SLC6A12: variants seen among roughly 807,000 people sequenced by gnomAD.
SLC6A12 encodes the protein sodium- and chloride-dependent betaine transporter.
Under a neutral mutation model 73.3 loss-of-function variants are expected in SLC6A12, and 50 were observed. The observed-to-expected ratio is 0.68, with a 90% CI of 0.54 to 0.86. The LOEUF (loss-of-function observed/expected upper bound fraction) is 0.86. Among genes scored for constraint, SLC6A12 ranks in the 40% least tolerant of loss-of-function variants. The pLI is 0.00. For synonymous variants in SLC6A12, 304 were observed against 309.2 expected, an observed-to-expected ratio of 0.98 and a Z score of 0.18; for missense variants, 648 against 772.8, an observed-to-expected ratio of 0.84 and a Z score of 1.92.
downstream of SLC6A12, among the ~76,000 whole-genome samples, chr12:185,294 A>G (rs1939411215): frequency 6.6e-6 from 1 of 152,220 alleles, no homozygotes; most frequent in Admixed American, 6.5e-5. Flanking sequence ...CCTCTCCATG[A>G]CAAACCCAAA....
Position 191,103 on chromosome 12 carries a change from CT to C in SLC6A12, c.1809del (p.Gly604AspfsTer2). 7.4e-7 allele frequency: 1 copy of C among 1,353,698 alleles called. No individual in the cohort carries two copies. The highest frequency in any genetic ancestry group is 9.6e-7 in the Non-Finnish European group (1 of 1,040,126). The allele number at this position is 1,353,698 out of a possible 1,614,324, so 83.9% of individuals were successfully genotyped here. ...GRNFGPSPTREGLIAGEKETH... is the reference protein window; with the variant it reads ...GRNFGPSPTRXGLIAGEKETH... ...GTCTCCTTCTCCCCGGCTATCAGTC[CT>C]TCCCTTGTTGGGGAGGGCCCAAAGT... On this transcript the variant is annotated frameshift_variant, in exon 16 of 16. Coordinates refer to ENST00000684302, the MANE Select transcript of SLC6A12 (RefSeq NM_001122848.3). LOFTEE classifies it high-confidence loss of function.
At chr12:200,579 G>A in intron 7 of SLC6A12, 72 bp downstream of exon 7, 1 of 1,506,358 alleles carries the variant, frequency 6.6e-7, no homozygotes, top group Non-Finnish European at 9.0e-7. Context: ...CAGTTCTCCA[G>A]AGGGTCCCCC....
intron 10 of SLC6A12, among the ~76,000 whole-genome samples, chr12:197,166 CAT>C (rs1939938826): frequency 6.7e-5 from 2 of 29,740 alleles, no homozygotes; most frequent in African/African-American, 1.0e-4. Flanking sequence ...TCCATCCATC[CAT>C]CCATCCATCC....
At chr12:188,267 G>A (rs1205221831), downstream of SLC6A12, among the ~76,000 whole-genome samples, 4 of 152,216 alleles carry the variant, frequency 2.6e-5, no homozygotes, top group Non-Finnish European at 5.9e-5. Context: ...TGCCCCACGG[G>A]AAGGCAGCTA....
chr12:188,743 T>C (rs1258355213), downstream of SLC6A12, among the ~76,000 whole-genome samples: 1 of 152,136 alleles, frequency 6.6e-6, no homozygotes, highest in East Asian at 1.9e-4. Flanking sequence ...ACACCTGTAC[T>C]GGTGCTCTGG....
intron 11 of SLC6A12, 26 bp downstream of exon 11, chr12:196,744 G>T: frequency 6.5e-7 from 1 of 1,532,554 alleles, no homozygotes; most frequent in South Asian, 1.1e-5. Context: ...CACCACGGCA[G>T]GGCAGGCTGG....
chr12:208,384 C>T (rs532871845), intron 3 of SLC6A12, among the ~76,000 whole-genome samples: 1 of 152,306 alleles, frequency 6.6e-6, no homozygotes, highest in East Asian at 1.9e-4. Context: ...GTTTAAAACA[C>T]ATAGCAAGAT....
chr12:192,021 C>T (rs529775766), intron 15 of SLC6A12, among the ~76,000 whole-genome samples: 1 of 152,328 alleles, frequency 6.6e-6, no homozygotes, highest in South Asian at 2.1e-4. Flanking sequence ...ATGTCCCAAA[C>T]TCTAGACAGG....
chr12:196,366 G>A, intron 11 of SLC6A12, 105 bp from the exon 12 acceptor site: 3 of 1,364,252 alleles, frequency 2.2e-6, no homozygotes, highest in Non-Finnish European at 3.0e-6. Flanking sequence ...GCACAGGGGT[G>A]CAGGGAGCAG....
At chr12:186,068 G>A (rs1939423608), downstream of SLC6A12, among the ~76,000 whole-genome samples, 1 of 151,942 alleles carries the variant, frequency 6.6e-6, no homozygotes, top group East Asian at 1.9e-4. Context: ...CCCAGGGTCA[G>A]GGGAGGGCTC....
At chr12:200,106 CTTTTTTTTTTTT>C (rs33929668) in intron 7 of SLC6A12, among the ~76,000 whole-genome samples, 1 of 104,578 alleles carries the variant, frequency 9.6e-6, no homozygotes. Context: ...CCTGAATATT[CTTTTTTTTTTTT>C]TTTTTTTTTT....
At chr12:199,851 AAG>A (rs1362628042) in intron 7 of SLC6A12, 1 of 152,164 alleles carries the variant, frequency 6.6e-6, no homozygotes, top group Non-Finnish European at 1.5e-5. Context: ...CGCCACCTCA[AAG>A]ACAGTTCTGT....
chr12:188,261 C>T (rs1317545289), downstream of SLC6A12, among the ~76,000 whole-genome samples: 1 of 152,218 alleles, frequency 6.6e-6, no homozygotes, highest in Non-Finnish European at 1.5e-5. Context: ...GAGCCCTGCC[C>T]CACGGGAAGG....
chr12:199,959 C>T (rs1940122444), intron 7 of SLC6A12, among the ~76,000 whole-genome samples: 1 of 152,168 alleles, frequency 6.6e-6, no homozygotes, highest in Non-Finnish European at 1.5e-5. Flanking sequence ...CATAGCCACA[C>T]ATAATGGATA....
rs1565470022 is a variant in SLC6A12 at position 197,969 on chromosome 12, G to A, written c.881C>T (p.Ser294Phe). 7 of 1,613,808 alleles carry A rather than the reference G, an allele frequency of 4.3e-6. No individual in the cohort carries two copies. Among genetic ancestry groups the A allele is most frequent in the South Asian group, 2.2e-5 (2 of 91,060 alleles). The change falls in exon 9 of 16, where the codon TCC becomes TTC. Residue 294 changes from serine to phenylalanine, a missense_variant. Coordinates refer to ENST00000684302, the MANE Select transcript of SLC6A12 (RefSeq NM_001122848.3). ...WMDAGTQIFF[S>F]FAICQGCLTA... Reference sequence around the variant, plus strand: ...CAGGCACCCCTGGCAGATGGCAAAGGAGAAGAAGATCTGGGTGCCCGCATC... The same window carrying A: ...CAGGCACCCCTGGCAGATGGCAAAGAAGAAGAAGATCTGGGTGCCCGCATC...
chr12:189,373 T>C (rs80057124), downstream of SLC6A12, among the ~76,000 whole-genome samples: 122 of 152,290 alleles, frequency 8.0e-4, 3 homozygotes, highest in East Asian at 0.022. Context: ...GCTCTCCTTC[T>C]CTTTCCCCTG....
intron 15 of SLC6A12, among the ~76,000 whole-genome samples, chr12:192,076 A>AGTTG (rs1939624921): frequency 6.6e-6 from 1 of 152,236 alleles, no homozygotes; most frequent in Admixed American, 6.5e-5. Context: ...AAAAGAAGCC[A>AGTTG]GGAGCCTGTG....
chr12:199,074 C>T, intron 7 of SLC6A12, 143 bp from the exon 8 acceptor site: 2 of 613,780 alleles, frequency 3.3e-6, no homozygotes, highest in South Asian at 1.8e-5. Context: ...AGAAAGTTTC[C>T]ACACCTCCCT....
intron 7 of SLC6A12, among the ~76,000 whole-genome samples, chr12:200,330 G>T (rs184039800): frequency 2.6e-5 from 4 of 151,790 alleles, no homozygotes; most frequent in Admixed American, 1.3e-4. Context: ...GGATGGTCTC[G>T]ATCTCCTGAC....
Sources: allele counts gnomAD v4.1 joint callset (sites outside exome capture counted in the v4.1 genomes callset), GRCh38; gene constraint gnomAD v4.1.1; transcripts MANE v1.5; gene names NCBI Gene and HGNC (gene_info 2026-07-23, HGNC 2026-07-21).